Variants in CACNA1C observed in about 807,000 individuals in gnomAD.
The protein encoded by CACNA1C is calcium voltage-gated channel subunit alpha1 C.
CACNA1C carries 30 observed loss-of-function variants against 229.0 expected under a neutral mutation model. The ratio of observed to expected loss-of-function variants is 0.13; its 90% confidence interval spans 0.10 to 0.18. The LOEUF (loss-of-function observed/expected upper bound fraction) is 0.18. Among genes scored for constraint, CACNA1C ranks in the 10% least tolerant of loss-of-function variants. CACNA1C has a pLI of 1.00. For missense variants in CACNA1C, 1,658 were observed against 2,845.0 expected (o/e 0.58, Z 9.49); for synonymous variants, 1,114 against 1,132.5 (o/e 0.98, Z 0.33).
At chr12:2,663,966 T>A (rs2095921260) in intron 34 of CACNA1C, among the ~76,000 whole-genome samples, 1 of 151,452 alleles carries the variant, frequency 6.6e-6, no homozygotes, top group Non-Finnish European at 1.5e-5. Flanking sequence ...GGTCTCCATC[T>A]CCTGACCTCG....
At chr12:2,185,404 T>C (rs949793518) in intron 3 of CACNA1C, among the ~76,000 whole-genome samples, 1 of 152,154 alleles carries the variant, frequency 6.6e-6, no homozygotes, top group African/African-American at 2.4e-5. Context: ...ATGGGCTGAG[T>C]TGGGTCCCCC....
At position 2,003,376 on chromosome 12, in the gene CACNA1C, T is replaced by C. The variant is rs533033574; in HGVS notation, c.139+32175T>C. Among the ~76,000 whole-genome samples, 6 of 152,384 alleles carry C rather than the reference T, an allele frequency of 3.9e-5. No homozygotes were observed. The South Asian group carries it at 1.2e-3, about 32-fold the overall frequency. On this transcript the variant is annotated intron_variant, in intron 1 of 46. Transcript: ENST00000682462. ...CAAGGCTAAGTTCTCCATACTGTTTTGTAACTTATTTTAAAATGATGGATA... is the reference window on the plus strand; with the variant it reads ...CAAGGCTAAGTTCTCCATACTGTTTCGTAACTTATTTTAAAATGATGGATA...
chr12:1,994,698 A>G (rs539569730), intron 1 of CACNA1C, among the ~76,000 whole-genome samples: 1 of 152,236 alleles, frequency 6.6e-6, no homozygotes, highest in Non-Finnish European at 1.5e-5. Flanking sequence ...TTTAAATGGG[A>G]TTAAGTGTTT....
At chr12:2,386,061 C>G (rs932675869) in intron 3 of CACNA1C, among the ~76,000 whole-genome samples, 3 of 152,212 alleles carry the variant, frequency 2.0e-5, no homozygotes, top group Non-Finnish European at 4.4e-5. Context: ...TACTACCTTT[C>G]GAGGTAATTT....
intron 3 of CACNA1C, among the ~76,000 whole-genome samples, chr12:2,142,837 G>A (rs1057414554): frequency 5.3e-5 from 8 of 151,250 alleles, no homozygotes; most frequent in African/African-American, 1.9e-4. Context: ...TTTTTGTACA[G>A]CTATACAGTG....
intron 1 of CACNA1C, among the ~76,000 whole-genome samples, chr12:1,990,752 C>T (rs970247254): frequency 1.3e-5 from 2 of 152,108 alleles, no homozygotes; most frequent in African/African-American, 4.8e-5. Flanking sequence ...GTTCCTTGCC[C>T]AAAGAAAGGC....
intron 43 of CACNA1C, among the ~76,000 whole-genome samples, chr12:2,685,358 T>C (rs61908023): frequency 3.2e-3 from 486 of 150,344 alleles, no homozygotes; most frequent in Non-Finnish European, 4.8e-3. Context: ...AAGTTGAGGG[T>C]CACTGGGGAA....
chr12:2,305,150 A>C lies in CACNA1C; in HGVS notation c.478-143826A>C, dbSNP rs572241159. ...TCCTGTCCTGCACACAGATGCACACACTGCAGGGCTATTTCTTTATTCAGT... is the reference window on the plus strand; with the variant it reads ...TCCTGTCCTGCACACAGATGCACACCCTGCAGGGCTATTTCTTTATTCAGT... On this transcript the variant is annotated intron_variant, in intron 3 of 46. Coordinates refer to ENST00000399655, the MANE Select transcript of CACNA1C (RefSeq NM_000719.7). 7.9e-5 allele frequency among the ~76,000 whole-genome samples: 12 copies of C among 152,214 alleles called. No individual in the cohort carries two copies. In the South Asian group the frequency reaches 1.2e-3, roughly 16 times the overall value.
chr12:2,284,111 C>T (rs1410105245), intron 3 of CACNA1C, among the ~76,000 whole-genome samples: 1 of 152,166 alleles, frequency 6.6e-6, no homozygotes, highest in Admixed American at 6.5e-5. Context: ...CCCGCCATCC[C>T]CCTAGCTCGT....
At chr12:2,446,199 G>GTGGA (rs1173010543) in intron 3 of CACNA1C, among the ~76,000 whole-genome samples, 42,378 of 136,680 alleles carry the variant, frequency 0.31, 7,246 homozygotes, top group East Asian at 0.66. Flanking sequence ...AGGTGGGTGG[G>GTGGA]TGGATGGATG....
chr12:2,463,273 G>T (rs2099527422), intron 5 of CACNA1C, among the ~76,000 whole-genome samples: 1 of 152,120 alleles, frequency 6.6e-6, no homozygotes, highest in Admixed American at 6.6e-5. Context: ...ATGATCACAG[G>T]TTATGGAAAT....
chr12:1,985,842 C>T (rs1294557650), intron 1 of CACNA1C, among the ~76,000 whole-genome samples: 2 of 152,008 alleles, frequency 1.3e-5, no homozygotes, highest in African/African-American at 4.8e-5. Flanking sequence ...GACGAGTCTC[C>T]CTCTGTCGCC....
chr12:2,643,266 C>T (rs866995863), intron 30 of CACNA1C, among the ~76,000 whole-genome samples: 4 of 152,164 alleles, frequency 2.6e-5, no homozygotes, highest in Non-Finnish European at 5.9e-5. Flanking sequence ...GGTGGTGGCC[C>T]GGGACAGAGT....
At chr12:2,445,251 A>G (rs1485032539) in intron 3 of CACNA1C, among the ~76,000 whole-genome samples, 2 of 152,178 alleles carry the variant, frequency 1.3e-5, no homozygotes, top group Admixed American at 1.3e-4. Context: ...AAGTCCATCC[A>G]TAGCCAGCTG....
At chr12:2,311,754 A>G (rs989164407) in intron 3 of CACNA1C, among the ~76,000 whole-genome samples, 1 of 152,274 alleles carries the variant, frequency 6.6e-6, no homozygotes, top group East Asian at 1.9e-4. Flanking sequence ...CTTGCCTGAT[A>G]AAACTAGAAA....
chr12:2,038,509 T>A (rs1423527134), intron 1 of CACNA1C, among the ~76,000 whole-genome samples: 6 of 152,238 alleles, frequency 3.9e-5, no homozygotes, highest in Non-Finnish European at 8.8e-5. Context: ...TACTTCTTTC[T>A]TATCTTTATT....
chr12:2,386,510 G>A (rs2098393778), intron 3 of CACNA1C, among the ~76,000 whole-genome samples: 1 of 152,138 alleles, frequency 6.6e-6, no homozygotes, highest in African/African-American at 2.4e-5. Context: ...TAGACACACT[G>A]ATTCTTCTGC....
intron 8 of CACNA1C, among the ~76,000 whole-genome samples, chr12:2,506,236 G>A (rs1380514848): frequency 6.6e-6 from 1 of 152,178 alleles, no homozygotes; most frequent in African/African-American, 2.4e-5. Flanking sequence ...CTGATTCATT[G>A]CCTGGAAGGT....
intron 1 of CACNA1C, among the ~76,000 whole-genome samples, chr12:2,001,821 C>A (rs552425717): frequency 2.6e-5 from 4 of 152,308 alleles, no homozygotes; most frequent in Non-Finnish European, 5.9e-5. Flanking sequence ...ATTCCCTGGC[C>A]TCTACTCTAT....
Sources: gnomAD v4.1 joint callset for allele counts (sites outside exome capture counted in the v4.1 genomes callset) on GRCh38, gnomAD v4.1.1 for gene constraint, MANE v1.5 for transcripts, NCBI Gene and HGNC (gene_info 2026-07-23, HGNC 2026-07-21) for gene names.